VIT: variants seen among roughly 807,000 people sequenced by gnomAD.
VIT encodes the protein vitrin.
In VIT, 99 loss-of-function variants were observed where a neutral mutation model predicts 78.0. That is an observed-to-expected ratio of 1.27 (90% CI 1.08 to 1.50). The LOEUF is 1.50. VIT is among the 40% of genes most tolerant of loss of function. VIT has a pLI of 0.00. For missense variants in VIT, 1,126 were observed against 875.3 expected, an observed-to-expected ratio of 1.29 and a Z score of -3.61; for synonymous variants, 374 against 334.3, an observed-to-expected ratio of 1.12 and a Z score of -1.29.
Position 36,808,459 on chromosome 2 carries a change from C to T in VIT, c.1390-13C>T. 6.3e-7 allele frequency: 1 copy of T among 1,589,794 alleles called. No homozygotes were observed. Among genetic ancestry groups the T allele is most frequent in the South Asian group, 1.1e-5 (1 of 88,860 alleles). ...CCCTGACGTGGCGTGGGTCCCTCCC[C>T]TCTGTCTTCTAGGCCGTGTGCAGAA... On this transcript the variant is annotated splice_polypyrimidine_tract_variant and intron_variant, in intron 14 of 15. Coordinates refer to ENST00000379242, the MANE Select transcript of VIT (RefSeq NM_053276.4).
intron 2 of VIT, among the ~76,000 whole-genome samples, chr2:36,724,019 G>T (rs1031154742): frequency 2.0e-5 from 3 of 150,718 alleles, no homozygotes; most frequent in African/African-American, 7.3e-5. Flanking sequence ...TGAAACACTG[G>T]AATTTTTTTT....
intron 2 of VIT, among the ~76,000 whole-genome samples, chr2:36,719,612 T>C (rs1666370092): frequency 6.6e-6 from 1 of 152,098 alleles, no homozygotes; most frequent in South Asian, 2.1e-4. Context: ...AATTTAACCA[T>C]AGAAGTGAAA....
At chr2:36,795,808 T>A (rs1665855674) in intron 12 of VIT, among the ~76,000 whole-genome samples, 1 of 152,132 alleles carries the variant, frequency 6.6e-6, no homozygotes, top group Admixed American at 6.6e-5. Context: ...TTTTGCTATT[T>A]AAAATGGACT....
intron 7 of VIT, among the ~76,000 whole-genome samples, chr2:36,771,692 A>G (rs949961178): frequency 6.6e-6 from 1 of 152,106 alleles, no homozygotes; most frequent in African/African-American, 2.4e-5. Flanking sequence ...CAGAATTCAC[A>G]CTTCCAGGAA....
At chr2:36,795,429 C>G (rs1044565284) in intron 12 of VIT, among the ~76,000 whole-genome samples, 5 of 149,242 alleles carry the variant, frequency 3.4e-5, no homozygotes, top group African/African-American at 1.2e-4. Flanking sequence ...TTTATTGAGA[C>G]GGAGTTTCGC....
intron 15 of VIT, 108 bp downstream of exon 15, chr2:36,809,093 A>T (rs1572584599): frequency 2.8e-6 from 4 of 1,420,658 alleles, no homozygotes; most frequent in Non-Finnish European, 2.8e-6. Flanking sequence ...TTTTTCTGCG[A>T]CTTAATAAAA....
rs1422034431 is a variant in VIT at position 36,812,245 on chromosome 2, G to A, written c.1904-1938G>A. On this transcript the variant is annotated intron_variant, in intron 15 of 15. Coordinates refer to ENST00000379242, the MANE Select transcript of VIT (RefSeq NM_053276.4). Reference sequence around the variant, plus strand: ...AAAAAGCAGCTTAGGTCAGAGCCACGTGAGGTATGCACGGCTCTCCCAGGC... The same window carrying A: ...AAAAAGCAGCTTAGGTCAGAGCCACATGAGGTATGCACGGCTCTCCCAGGC... 2.6e-5 allele frequency among the ~76,000 whole-genome samples: 4 copies of A among 152,162 alleles called. No homozygotes were observed. The East Asian group carries it at 5.8e-4, about 22-fold the overall frequency.
In VIT at chr2:36,781,755, G is replaced by A. The variant is rs202241939; in HGVS notation, c.831G>A (p.Ser277=). The change falls in exon 10 of 16, where the codon TCG becomes TCA. Residue 277 remains serine, a synonymous_variant. Coordinates refer to ENST00000379242, the MANE Select transcript of VIT (RefSeq NM_053276.4). ...AGATGGACTCATGGAAACCTGGATC[G>A]GTCCTTTTAGATGAAGGTAATTATA... The part of the protein sequence containing the change: ...LGEMDSWKPG[S]VLLDEGLVPK... 9.0e-5 allele frequency: 145 copies of A among 1,613,964 alleles called. No homozygotes were observed. The highest frequency in any genetic ancestry group is 1.2e-4 in the Non-Finnish European group (142 of 1,180,006).
intron 15 of VIT, among the ~76,000 whole-genome samples, chr2:36,810,559 A>G (rs1190352651): frequency 6.6e-6 from 1 of 152,174 alleles, no homozygotes; most frequent in African/African-American, 2.4e-5. Context: ...ATGAACACCA[A>G]TGCCCTGTAG....
intron 13 of VIT, 32 bp from the exon 14 acceptor site, chr2:36,805,406 C>A: frequency 6.5e-7 from 1 of 1,546,722 alleles, no homozygotes; most frequent in South Asian, 1.3e-5. Context: ...TCAGCGTGAT[C>A]ACTCCAAGCA....
chr2:36,715,008 C>G (rs1014256808), intron 1 of VIT, among the ~76,000 whole-genome samples: 2 of 152,198 alleles, frequency 1.3e-5, no homozygotes, highest in African/African-American at 2.4e-5. Context: ...TCTGTTGGCA[C>G]TGTTCCCCCA....
intron 7 of VIT, among the ~76,000 whole-genome samples, chr2:36,771,488 T>C (rs1348876029): frequency 3.5e-5 from 5 of 143,534 alleles, no homozygotes; most frequent in Non-Finnish European, 7.5e-5. Context: ...GTCGTGCCAC[T>C]GCACTCCAGC....
chr2:36,788,682 A>G (rs1665272030), intron 12 of VIT, among the ~76,000 whole-genome samples: 1 of 152,224 alleles, frequency 6.6e-6, no homozygotes, highest in African/African-American at 2.4e-5. Context: ...CCAATGGATG[A>G]CAGGTTTTAC....
At chr2:36,698,235 A>G (rs1664795027) in intron 1 of VIT, among the ~76,000 whole-genome samples, 1 of 152,240 alleles carries the variant, frequency 6.6e-6, no homozygotes, top group Non-Finnish European at 1.5e-5. Flanking sequence ...AAAAATAAAA[A>G]TACCTTAGGA....
At chr2:36,703,333 G>A (rs1665186591) in intron 1 of VIT, among the ~76,000 whole-genome samples, 2 of 151,948 alleles carry the variant, frequency 1.3e-5, no homozygotes, top group African/African-American at 4.8e-5. Context: ...GGAGCAGGTG[G>A]CTCCCCTACC....
At chr2:36,742,949 T>A in intron 3 of VIT, 151 bp from the exon 4 acceptor site, 1 of 952,724 alleles carries the variant, frequency 1.0e-6, no homozygotes, top group Non-Finnish European at 1.5e-6. Flanking sequence ...ATGTCTTAAT[T>A]ACATCTTTGC....
intron 3 of VIT, among the ~76,000 whole-genome samples, chr2:36,732,583 T>C (rs1172326356): frequency 2.6e-5 from 4 of 152,140 alleles, no homozygotes; most frequent in Admixed American, 2.6e-4. Context: ...GGGAGGTGAC[T>C]GATGGCAAGG....
At chr2:36,705,285 G>A (rs1430936479) in intron 1 of VIT, among the ~76,000 whole-genome samples, 9 of 152,108 alleles carry the variant, frequency 5.9e-5, no homozygotes, top group Non-Finnish European at 1.2e-4. Context: ...AATAACTCTT[G>A]GAAGGGGTTC....
chr2:36,708,703 A>G (rs560531286), intron 1 of VIT, among the ~76,000 whole-genome samples: 42 of 151,980 alleles, frequency 2.8e-4, no homozygotes, highest in African/African-American at 9.9e-4. Context: ...TCACTCATTC[A>G]TTGTTTTCCA....
Sources: allele counts gnomAD v4.1 joint callset (sites outside exome capture counted in the v4.1 genomes callset), GRCh38; gene constraint gnomAD v4.1.1; transcripts MANE v1.5; gene names NCBI Gene and HGNC (gene_info 2026-07-23, HGNC 2026-07-21).